The following SPTBN4 variants were observed in gnomAD, a reference collection of about 807,000 sequenced individuals.
SPTBN4 encodes spectrin beta chain, non-erythrocytic 4.
SPTBN4 carries 96 observed loss-of-function variants against 277.8 expected under a neutral mutation model. That is an observed-to-expected ratio of 0.35 (90% confidence interval 0.29 to 0.41). SPTBN4 has a LOEUF of 0.41. SPTBN4 is among the 10% of genes least tolerant of loss of function. The pLI, the probability that SPTBN4 is intolerant of heterozygous loss-of-function variation, is 1.00. For missense variants in SPTBN4, 3,006 were observed against 3,595.7 expected, an observed-to-expected ratio of 0.84 and a Z score of 4.19; for synonymous variants, 1,481 against 1,580.3, an observed-to-expected ratio of 0.94 and a Z score of 1.49.
rs1411074878 is a variant in SPTBN4, at chr19:40,572,429, G to A, written c.7536+49G>A. ...TCTGTGTGGACCTCAGTAATGACCT[G>A]GCTGTCTGGCTCCTGACCCAGAGTG... is the stretch of plus-strand genomic sequence containing the variant. On this transcript the variant is annotated intron_variant, in intron 35 of 35. Transcript: ENST00000598249. 3 of 1,607,948 alleles carry A rather than the reference G, an allele frequency of 1.9e-6. No homozygotes were observed. The African/African-American group carries it at 4.0e-5, about 21-fold the overall frequency.
chr19:40,560,961 C>T lies in SPTBN4; in HGVS notation c.5915+558C>T, dbSNP rs570632735. On this transcript the variant is annotated intron_variant, in intron 27 of 35. Transcript: ENST00000598249. The surrounding 1 kb of genome is among the most constrained non-coding windows in gnomAD (Gnocchi z 5.2). Reference sequence around the variant, plus strand: ...ACACAGAAGGTTTTAGGGATAAAGCCGGCACCCACACACTGCCAGCCCGGT... The same window carrying T: ...ACACAGAAGGTTTTAGGGATAAAGCTGGCACCCACACACTGCCAGCCCGGT... Among the ~76,000 whole-genome samples, 116 of 152,204 alleles carry T rather than the reference C, an allele frequency of 7.6e-4. No homozygotes were observed. Among genetic ancestry groups the T allele is most frequent in the African/African-American group, 6.5e-4 (27 of 41,546 alleles).
intron 13 of SPTBN4, among the ~76,000 whole-genome samples, chr19:40,508,257 C>G (rs1303446451): frequency 2.0e-5 from 3 of 152,190 alleles, no homozygotes; most frequent in Admixed American, 6.5e-5. Flanking sequence ...AAGACTGGCT[C>G]TAATAAGGTT....
chr19:40,513,019 C>G lies in SPTBN4; in HGVS notation c.2230C>G (p.Leu744Val). Residue 744 changes from leucine (L) to valine (V), a missense_variant, in exon 14 of 36, where the codon CTG (leucine) becomes GTG (valine). Transcript: ENST00000598249. ...PGADTVHLVG[L>V]AERAASARRR... ...AGCAGACACCGTGCACCTGGTAGGC[C>G]TGGCGGAGCGCGCGGCGAGCGCCCG... 2 of 1,426,634 alleles carry G rather than the reference C, an allele frequency of 1.4e-6. No individual in the cohort carries two copies. The highest frequency in any genetic ancestry group is 1.8e-6 in the Non-Finnish European group (2 of 1,097,284). The allele number at this position is 1,426,634 out of a possible 1,614,324, so 88.4% of individuals were successfully genotyped here.
rs1417647720 is a variant in SPTBN4 at position 40,554,371 on chromosome 19, G to A, written c.4899G>A (p.Val1633=). 1.3e-6 allele frequency: 2 copies of A among 1,588,184 alleles called. No individual in the cohort carries two copies. Among genetic ancestry groups the A allele is most frequent in the East Asian group, 2.3e-5 (1 of 44,006 alleles). ...AGTACTACTTCGACGTGGCTGAGGT[G>A]GAGGCGTGGCTGGGCGAGCAGGAGC... ...VEQYYFDVAE[V]EAWLGEQELL... is the part of the protein sequence containing the mutation. Residue 1633 remains valine (V), a synonymous_variant, in exon 23 of 36, where the codon GTG becomes GTA. Coordinates refer to ENST00000598249, the MANE Select transcript of SPTBN4 (RefSeq NM_020971.3). This position sits in a 1 kb window ranked among gnomAD's most constrained non-coding sequence, Gnocchi z 5.7.
intron 2 of SPTBN4, among the ~76,000 whole-genome samples, chr19:40,485,516 A>G (rs973765292): frequency 6.6e-6 from 1 of 152,160 alleles, no homozygotes; most frequent in Admixed American, 6.6e-5. Flanking sequence ...ATAAAAAGAC[A>G]TGTAACTGGC....
chr19:40,519,812 G>T lies in SPTBN4; in HGVS notation c.3315G>T (p.Val1105=). 1 of 1,436,076 alleles carries T rather than the reference G, an allele frequency of 7.0e-7. No homozygotes were observed. The highest frequency in any genetic ancestry group is 1.5e-5 in the South Asian group (1 of 67,406). The allele number at this position is 1,436,076 out of a possible 1,614,324, so 89.0% of individuals were successfully genotyped here. The stretch of plus-strand genomic sequence containing the variant: ...TCGACGCTTTCCTGGACTGGCTCGT[G>T]CGCGCCCAGGAGGCGGCGGGCGGCA... ...HDLDAFLDWL[V]RAQEAAGGSE... is the part of the protein sequence containing the mutation. Residue 1105 remains valine, a synonymous_variant, in exon 16 of 36, where the codon GTG becomes GTT. Transcript: ENST00000598249. This position sits in a 1 kb window ranked among gnomAD's most constrained non-coding sequence, Gnocchi z 5.7.
rs753597803 is a variant in SPTBN4, at chr19:40,503,971, G to A, written c.1504G>A (p.Asp502Asn). 8 of 1,613,882 alleles carry A rather than the reference G, an allele frequency of 5.0e-6. No individual in the cohort carries two copies. Among genetic ancestry groups the A allele is most frequent in the African/African-American group, 2.7e-5 (2 of 74,926 alleles). Residue 502 changes from aspartate (D) to asparagine (N), a missense_variant, in exon 12 of 36, where the codon GAT (aspartate) becomes AAT (asparagine). By Grantham distance (23) the Asp-to-Asn change is conservative. Transcript: ENST00000598249. ...AQALAAEGYY[D>N]IRRVAAQRDS... is the part of the protein sequence containing the mutation. ...GGCATTGGCAGCCGAAGGCTACTAC[G>A]ATATCCGGCGGGTGGCAGCCCAGCG... is the stretch of plus-strand genomic sequence containing the variant.
At position 40,472,710 on chromosome 19, in the gene SPTBN4, G is replaced by C. The variant is rs779001495; in HGVS notation, c.89G>C (p.Arg30Pro). 1.9e-6 allele frequency: 3 copies of C among 1,612,458 alleles called. No homozygotes were observed. The highest frequency in any genetic ancestry group is 2.5e-6 in the Non-Finnish European group (3 of 1,179,394). ...GCTGCCCGCTGGGAGAGTCCGGATCGGGGCTGGGAGCGGGAGCAGCCGGCT... is the reference window on the plus strand; with the variant it reads ...GCTGCCCGCTGGGAGAGTCCGGATCCGGGCTGGGAGCGGGAGCAGCCGGCT... ...NPAARWESPD[R>P]GWEREQPAAS... Residue 30 changes from arginine to proline, a missense_variant, in exon 2 of 36, where the codon CGG (arginine) becomes CCG (proline). Transcript: ENST00000598249.
rs1453040029 is a variant in SPTBN4 at position 40,575,418 on chromosome 19, T to C, written c.7544T>C (p.Met2515Thr). The C allele has an allele frequency of 1.9e-6, 3 of 1,613,312 alleles. No individual in the cohort carries two copies. The highest frequency in any genetic ancestry group is 2.5e-6 in the Non-Finnish European group (3 of 1,179,776). Residue 2515 changes from methionine to threonine, a missense_variant, in exon 36 of 36, where the codon ATG (methionine) becomes ACG (threonine). Transcript: ENST00000598249. Reference sequence around the variant, plus strand: ...CCCTGTTTCTTCCCCCAGGAGGAGATGAACGGCTGGCTGGAGGCTGTAGCT... The same window carrying C: ...CCCTGTTTCTTCCCCCAGGAGGAGACGAACGGCTGGCTGGAGGCTGTAGCT... Reference protein sequence around the residue: ...FLLQAKDEEEMNGWLEAVASS... With the variant: ...FLLQAKDEEETNGWLEAVASS...
In SPTBN4 at chr19:40,562,633, G is replaced by A. The variant is rs141041296; in HGVS notation, c.5915+2230G>A. On this transcript the variant is annotated intron_variant, in intron 27 of 35. Transcript: ENST00000598249. ...GTGGATCACTTGAGGTCGGGAGTTC[G>A]AGAGCAGCCTGACCAACATAGAGAA... Among the ~76,000 whole-genome samples the A allele has an allele frequency of 8.0e-5, 12 of 150,878 alleles. No homozygotes were observed. The East Asian group carries it at 1.8e-3, about 22-fold the overall frequency.
chr19:40,556,054 C>A (rs1177356402), intron 24 of SPTBN4, 30 bp from the exon 25 acceptor site: 2 of 1,587,048 alleles, frequency 1.3e-6, no homozygotes, highest in South Asian at 2.3e-5. Context: ...TCTCAGGGGT[C>A]CATCCCTGCC....
intron 2 of SPTBN4, among the ~76,000 whole-genome samples, chr19:40,473,180 G>A (rs960492579): frequency 6.6e-6 from 1 of 152,018 alleles, no homozygotes; most frequent in Admixed American, 6.6e-5. Flanking sequence ...CTGACTAGCT[G>A]GGACTACAGG....
chr19:40,502,602 T>C lies in SPTBN4; in HGVS notation c.1203+95T>C. 7.0e-7 allele frequency: 1 copy of C among 1,433,000 alleles called. No homozygotes were observed. The highest frequency in any genetic ancestry group is 9.5e-7 in the Non-Finnish European group (1 of 1,057,002). The allele number at this position is 1,433,000 out of a possible 1,614,324, so 88.8% of individuals were successfully genotyped here. ...GGAATCATTCACATTGTAGACATGA[T>C]GGATTAGATATTCATTCTGACAGTT... On this transcript the variant is annotated intron_variant, in intron 10 of 35. Transcript: ENST00000598249. This position sits in a 1 kb window ranked among gnomAD's most constrained non-coding sequence, Gnocchi z 4.9.
At chr19:40,480,764 T>C (rs1232883757) in intron 2 of SPTBN4, among the ~76,000 whole-genome samples, 6 of 152,046 alleles carry the variant, frequency 3.9e-5, no homozygotes, top group African/African-American at 1.2e-4. Context: ...TTGGGGCTAC[T>C]ATAAATGGTG....
chr19:40,502,902 G>C lies in SPTBN4; in HGVS notation c.1331G>C (p.Trp444Ser). ...FDHKVAMRES[W>S]LNENQRLVSQ... The stretch of plus-strand genomic sequence containing the variant: ...CACAAGGTGGCTATGAGGGAGAGCT[G>C]GCTGAATGAGAACCAGCGTCTGGTC... Residue 444 changes from tryptophan (W) to serine (S), a missense_variant, in exon 11 of 36, where the codon TGG becomes TCG. Physicochemically the swap from Trp to Ser is radical, Grantham distance 177. This residue lies in a region of SPTBN4 where 1,759 missense variants were observed against 2,061.5 expected (regional missense o/e 0.85). Transcript: ENST00000598249. This position sits in a 1 kb window ranked among gnomAD's most constrained non-coding sequence, Gnocchi z 4.9. 6.2e-7 allele frequency: 1 copy of C among 1,613,808 alleles called. No homozygotes were observed.
intron 30 of SPTBN4, 70 bp from the exon 31 acceptor site, chr19:40,567,593 T>TC: frequency 7.3e-7 from 1 of 1,368,936 alleles, no homozygotes; most frequent in Non-Finnish European, 9.5e-7. Flanking sequence ...CCAGGCCGCC[T>TC]CCCCGGACCT....
At chr19:40,564,767 G>A (rs1328507190) in intron 27 of SPTBN4, among the ~76,000 whole-genome samples, 1 of 151,790 alleles carries the variant, frequency 6.6e-6, no homozygotes, top group African/African-American at 2.4e-5. Context: ...AGCCCAGGAG[G>A]TTGAGACTGA....
chr19:40,522,323 C>T (rs2080536487), intron 16 of SPTBN4, among the ~76,000 whole-genome samples: 1 of 150,988 alleles, frequency 6.6e-6, no homozygotes, highest in Admixed American at 6.6e-5. Flanking sequence ...CCACCGTGCC[C>T]AGCCTTCAGT....
At chr19:40,510,155 C>T (rs1189786704) in intron 13 of SPTBN4, among the ~76,000 whole-genome samples, 2 of 152,094 alleles carry the variant, frequency 1.3e-5, no homozygotes, top group African/African-American at 4.8e-5. Flanking sequence ...TTAGCTGATC[C>T]TAGGGCAATC....
Sources: gnomAD v4.1 joint callset for allele counts (sites outside exome capture counted in the v4.1 genomes callset) on GRCh38, gnomAD v4.1.1 for gene constraint, gnomAD v4.1.1 regional missense constraint, Gnocchi (gnomAD v3.1) non-coding constraint, MANE v1.5 for transcripts, NCBI Gene and HGNC (gene_info 2026-07-23, HGNC 2026-07-21) for gene names.